The following VPS13C variants were observed in gnomAD, a reference collection of about 807,000 sequenced individuals.
VPS13C encodes the protein intermembrane lipid transfer protein VPS13C.
Under a neutral mutation model 456.8 loss-of-function variants are expected in VPS13C, and 358 were observed. That is an observed-to-expected ratio of 0.78 (90% CI 0.72 to 0.86). VPS13C has a LOEUF of 0.86. VPS13C is among the 40% of genes least tolerant of loss of function. The pLI is 0.00. For missense variants in VPS13C, 4,818 were observed against 4,385.4 expected, an observed-to-expected ratio of 1.10 and a Z score of -2.79; for synonymous variants, 1,578 against 1,486.7, an observed-to-expected ratio of 1.06 and a Z score of -1.41.
At chr15:62,058,223 A>C (rs2048864736) in intron 1 of VPS13C, among the ~76,000 whole-genome samples, 1 of 152,224 alleles carries the variant, frequency 6.6e-6, no homozygotes, top group East Asian at 1.9e-4. Context: ...GTGCGTTTTC[A>C]AGTTTCAAAT....
chr15:61,940,418 T>G (rs1001324996), intron 47 of VPS13C, among the ~76,000 whole-genome samples: 1 of 152,224 alleles, frequency 6.6e-6, no homozygotes, highest in Non-Finnish European at 1.5e-5. Flanking sequence ...TGCATATTTT[T>G]TATTTATTTA....
chr15:62,000,573 T>A lies in VPS13C; in HGVS notation c.1344A>T (p.Ala448=). The A allele has an allele frequency of 6.2e-7, 1 of 1,607,978 alleles. No individual in the cohort carries two copies. The highest frequency in any genetic ancestry group is 1.1e-5 in the South Asian group (1 of 89,032). The change falls in exon 16 of 85, where the codon GCA becomes GCT. Residue 448 remains alanine (A), a synonymous_variant. Coordinates refer to ENST00000644861, the MANE Select transcript of VPS13C (RefSeq NM_020821.3). ...VFNIILARQQ[A]QVEVIRSGQK... ...TAATAAAAATGATTACCTCAACTTG[T>A]GCTTGTTGCCTTGCTAAAATTATGT...
In VPS13C at chr15:62,007,434, C is replaced by T. The variant is rs1039586557; in HGVS notation, c.1164G>A (p.Arg388=). The T allele has an allele frequency of 3.1e-6, 5 of 1,607,776 alleles. No homozygotes were observed. The highest frequency in any genetic ancestry group is 1.1e-5 in the South Asian group (1 of 88,944). The stretch of plus-strand genomic sequence containing the variant: ...TACTCCATGACCACATCTGTGTATA[C>T]CTTCTTATATGAACTTCAAGAACAG... ...IDSVLEVHIR[R]YTQMWSWSNI... Residue 388 remains arginine (R), a synonymous_variant, in exon 15 of 85, where the codon AGG becomes AGA. Transcript: ENST00000644861.
At position 61,917,411 on chromosome 15, in the gene VPS13C, T is replaced by A; in HGVS notation, c.7985A>T (p.Tyr2662Phe). Residue 2662 changes from tyrosine to phenylalanine, a missense_variant, in exon 60 of 85, where the codon TAC becomes TTC. By Grantham distance (22) the Tyr-to-Phe change is conservative. Around this residue, in one of 3 missense-constraint regions of VPS13C, gnomAD observed 4,552 missense variants for 4,130.6 expected, o/e 1.10. Transcript: ENST00000644861. Reference sequence around the variant, plus strand: ...GAGAGAAGGATAAAGATGAATAATGTAAGCTACATCCCAGTCTTCCCCATG... The same window carrying A: ...GAGAGAAGGATAAAGATGAATAATGAAAGCTACATCCCAGTCTTCCCCATG... ...CTHGEDWDVA[Y>F]IIHLYPSLTL... The A allele has an allele frequency of 6.2e-7, 1 of 1,613,990 alleles. No individual in the cohort carries two copies. The highest frequency in any genetic ancestry group is 8.5e-7 in the Non-Finnish European group (1 of 1,179,888).
rs890986541 is a variant in VPS13C at position 61,913,497 on chromosome 15, T to C, written c.8446-82A>G. The C allele has an allele frequency of 6.5e-6, 8 of 1,230,838 alleles. No homozygotes were observed. The South Asian group carries it at 8.2e-5, about 13-fold the overall frequency. 76.2% of individuals were successfully genotyped at this position (1,230,838 alleles called of 1,614,324 possible). ...ATTTGAGAGAAAGTTGCTGGACTAC[T>C]AGAAATTTCTTTAGTACCGTGGGAC... On this transcript the variant is annotated intron_variant, in intron 61 of 84. Coordinates refer to ENST00000644861, the MANE Select transcript of VPS13C (RefSeq NM_020821.3).
chr15:61,856,606 C>A, intron 82 of VPS13C, 197 bp from the exon 83 acceptor site: 1 of 411,390 alleles, frequency 2.4e-6, no homozygotes, highest in Non-Finnish European at 4.1e-6. Context: ...ACCTACCAAG[C>A]AACAAAGTAG....
intron 31 of VPS13C, 114 bp from the exon 32 acceptor site, chr15:61,964,065 T>C: frequency 1.7e-6 from 1 of 577,274 alleles, no homozygotes; most frequent in Non-Finnish European, 2.9e-6. Flanking sequence ...AATTATAACA[T>C]TCTCCAACTC....
intron 8 of VPS13C, 75 bp downstream of exon 8, chr15:62,023,336 A>C: frequency 1.1e-6 from 1 of 882,508 alleles, no homozygotes; most frequent in Non-Finnish European, 1.6e-6. Context: ...GGCACAGATA[A>C]TCCACATATA....
chr15:62,017,718 G>C (rs1207475675), intron 9 of VPS13C, among the ~76,000 whole-genome samples: 8 of 152,154 alleles, frequency 5.3e-5, no homozygotes, highest in Admixed American at 1.3e-4. Flanking sequence ...GTCAGGTAGC[G>C]TGATGCCTCC....
chr15:61,898,112 T>C (rs1313146678), intron 66 of VPS13C, among the ~76,000 whole-genome samples: 1 of 151,116 alleles, frequency 6.6e-6, no homozygotes, highest in Non-Finnish European at 1.5e-5. Context: ...GCGCTAAACA[T>C]GGAAAGGAAG....
intron 6 of VPS13C, among the ~76,000 whole-genome samples, chr15:62,025,775 A>T (rs964356881): frequency 2.0e-5 from 3 of 152,078 alleles, no homozygotes; most frequent in Admixed American, 2.0e-4. Context: ...GTTCTCAAAG[A>T]CTTTGGTTTC....
chr15:61,880,209 C>T (rs971076304), intron 73 of VPS13C, among the ~76,000 whole-genome samples: 1 of 152,064 alleles, frequency 6.6e-6, no homozygotes, highest in Non-Finnish European at 1.5e-5. Flanking sequence ...GGGGGAAAAA[C>T]ACCACATCAA....
chr15:62,003,857 C>T (rs1313922799), intron 15 of VPS13C, among the ~76,000 whole-genome samples: 1 of 151,532 alleles, frequency 6.6e-6, no homozygotes, highest in African/African-American at 2.4e-5. Context: ...GCCTTGCATC[C>T]CAGGGATGAA....
Position 61,959,429 on chromosome 15 carries a change from T to G in VPS13C, c.4056+19A>C. 6.5e-7 allele frequency: 1 copy of G among 1,544,816 alleles called. No individual in the cohort carries two copies. Among genetic ancestry groups the G allele is most frequent in the Middle Eastern group, 1.8e-4 (1 of 5,706 alleles). Reference sequence around the variant, plus strand: ...TTAAAATTTCAACAATGAAGTTTTTTCTTCACTCATATACTTACATTCATT... The same window carrying G: ...TTAAAATTTCAACAATGAAGTTTTTGCTTCACTCATATACTTACATTCATT... On this transcript the variant is annotated intron_variant, in intron 36 of 84. Coordinates refer to ENST00000644861, the MANE Select transcript of VPS13C (RefSeq NM_020821.3).
At chr15:61,884,301 C>G (rs370230514) in intron 67 of VPS13C, 32 bp from the exon 68 acceptor site, 107 of 1,601,028 alleles carry the variant, frequency 6.7e-5, no homozygotes, top group Non-Finnish European at 8.7e-5. Flanking sequence ...ATTAAATTAG[C>G]AATATGTATT....
At chr15:61,894,745 T>C (rs1233936515) in intron 66 of VPS13C, among the ~76,000 whole-genome samples, 1 of 151,960 alleles carries the variant, frequency 6.6e-6, no homozygotes, top group African/African-American at 2.4e-5. Context: ...AAGAAAATAA[T>C]AACAGATCTA....
Position 61,867,940 on chromosome 15 carries a change from A to G in VPS13C, c.10863+719T>C, listed in dbSNP as rs1386020219. ...AGGAAACATTTATTCCTGTATTTCCAGTTCTTGCTGTGCAGGCAGAAAAAC... is the reference window on the plus strand; with the variant it reads ...AGGAAACATTTATTCCTGTATTTCCGGTTCTTGCTGTGCAGGCAGAAAAAC... On this transcript the variant is annotated intron_variant, in intron 81 of 84. Transcript: ENST00000644861. The surrounding 1 kb of genome is among the most constrained non-coding windows in gnomAD (Gnocchi z 5.0). 3.1e-6 allele frequency: 5 copies of G among 1,600,684 alleles called. No homozygotes were observed. In the South Asian group the frequency reaches 4.4e-5, roughly 14 times the overall value.
intron 39 of VPS13C, 54 bp downstream of exon 39, chr15:61,951,770 G>A: frequency 1.3e-6 from 2 of 1,524,650 alleles, no homozygotes; most frequent in South Asian, 2.5e-5. Flanking sequence ...TTGATAAAAA[G>A]GTAGGGATCA....
intron 67 of VPS13C, among the ~76,000 whole-genome samples, chr15:61,886,881 T>C (rs1380702586): frequency 6.6e-6 from 1 of 152,178 alleles, no homozygotes; most frequent in Non-Finnish European, 1.5e-5. Flanking sequence ...TTATTTATGA[T>C]AAAAACTCTG....
Sources: gnomAD v4.1 joint callset for allele counts (sites outside exome capture counted in the v4.1 genomes callset) on GRCh38, gnomAD v4.1.1 for gene constraint, gnomAD v4.1.1 regional missense constraint, Gnocchi (gnomAD v3.1) non-coding constraint, MANE v1.5 for transcripts, NCBI Gene and HGNC (gene_info 2026-07-23, HGNC 2026-07-21) for gene names.